The following RMDN2 variants were observed in gnomAD, a reference collection of about 807,000 sequenced individuals.
The protein encoded by RMDN2 is regulator of microtubule dynamics protein 2.
A neutral mutation model predicts 52.8 loss-of-function variants in RMDN2; 61 were observed. The ratio of observed to expected loss-of-function variants is 1.16; its 90% CI spans 0.94 to 1.43. RMDN2 has a LOEUF of 1.43. Ranked by LOEUF, RMDN2 falls within the 40% of genes most tolerant of loss-of-function variation. The probability of loss-of-function intolerance (pLI) is 0.00; values close to 1 mark genes in which losing one functional copy is unlikely to be tolerated. For synonymous variants in RMDN2, 180 were observed against 153.1 expected, an observed-to-expected ratio of 1.18 and a Z score of -1.30; for missense variants, 592 against 475.3, an observed-to-expected ratio of 1.25 and a Z score of -2.28.
At position 37,970,875 on chromosome 2, in the gene RMDN2, G is replaced by C. The variant is rs558769675; in HGVS notation, c.453-3165G>C. Among the ~76,000 whole-genome samples the C allele has an allele frequency of 3.9e-5, 6 of 152,106 alleles. No individual in the cohort carries two copies. The South Asian group carries it at 1.2e-3, about 32-fold the overall frequency. ...CATAATTTGGTGGTTTTTATTTGCAGAGTTGCCCATTTTTAAATTGAATTA... is the reference window on the plus strand; with the variant it reads ...CATAATTTGGTGGTTTTTATTTGCACAGTTGCCCATTTTTAAATTGAATTA... On this transcript the variant is annotated intron_variant, in intron 2 of 10. Coordinates refer to ENST00000354545, the MANE Select transcript of RMDN2 (RefSeq NM_001170791.3).
chr2:38,021,569 A>G (rs999916267), downstream of RMDN2, among the ~76,000 whole-genome samples: 1 of 152,110 alleles, frequency 6.6e-6, no homozygotes, highest in Non-Finnish European at 1.5e-5. Context: ...GAACATCAGA[A>G]GGAACAAACT....
At chr2:38,040,416 G>T (rs974181762) in intron 10 of RMDN2, among the ~76,000 whole-genome samples, 3 of 152,080 alleles carry the variant, frequency 2.0e-5, no homozygotes, top group Non-Finnish European at 4.4e-5. Flanking sequence ...GTCATGAATA[G>T]GATTAGTGCC....
rs1553372332 is a variant in RMDN2 at position 37,995,350 on chromosome 2, A to ACTACTACTT, written c.946-2058_946-2057insTCTACTACT. On this transcript the variant is annotated intron_variant, in intron 7 of 10. Coordinates refer to ENST00000354545, the MANE Select transcript of RMDN2 (RefSeq NM_001170791.3). Reference sequence around the variant, plus strand: ...TACTACTACTACTACTACTACTACTACTACTACTACTACTACACACACACA... The same window carrying ACTACTACTT: ...TACTACTACTACTACTACTACTACTACTACTACTTCTACTACTACTACTACACACACACA... Among the ~76,000 whole-genome samples, 275 of 151,338 alleles carry ACTACTACTT rather than the reference A, an allele frequency of 1.8e-3. 4 individuals are homozygous for ACTACTACTT. The highest frequency in any genetic ancestry group is 6.4e-3 in the African/African-American group (261 of 41,036).
At chr2:38,044,488 T>G (rs1681151866) in intron 10 of RMDN2, among the ~76,000 whole-genome samples, 3 of 152,122 alleles carry the variant, frequency 2.0e-5, no homozygotes, top group Non-Finnish European at 2.9e-5. Flanking sequence ...TTTCTTTTCC[T>G]TTTGTTATTC....
At chr2:37,924,532 T>C (rs932484121), upstream of RMDN2, among the ~76,000 whole-genome samples, 2 of 150,848 alleles carry the variant, frequency 1.3e-5, no homozygotes, top group East Asian at 3.9e-4. Flanking sequence ...GCCCGGCTAA[T>C]TTTTTGTATT....
At chr2:37,979,519 G>A (rs140944963) in intron 4 of RMDN2, among the ~76,000 whole-genome samples, 76 of 152,276 alleles carry the variant, frequency 5.0e-4, no homozygotes, top group African/African-American at 1.7e-3. Context: ...TTTGATCACT[G>A]GAGAGTACAA....
At chr2:37,990,547 C>T (rs1004810327) in intron 6 of RMDN2, among the ~76,000 whole-genome samples, 75 of 139,636 alleles carry the variant, frequency 5.4e-4, no homozygotes, top group African/African-American at 2.0e-3. Context: ...AAAAAAAGGC[C>T]TTTTGGTCAT....
chr2:37,972,670 G>A (rs895289016), intron 2 of RMDN2, among the ~76,000 whole-genome samples: 1 of 152,188 alleles, frequency 6.6e-6, no homozygotes, highest in African/African-American at 2.4e-5. Flanking sequence ...GTGATAAGGG[G>A]TCATTGCAGT....
At chr2:38,018,610 A>G (rs1348214813), downstream of RMDN2, among the ~76,000 whole-genome samples, 1 of 152,260 alleles carries the variant, frequency 6.6e-6, no homozygotes, top group Non-Finnish European at 1.5e-5. Flanking sequence ...CAAGTCAAAA[A>G]TAGTACATAC....
At chr2:37,979,196 TTGTCAAGGAACA>T (rs1672977231) in intron 4 of RMDN2, among the ~76,000 whole-genome samples, 1 of 152,214 alleles carries the variant, frequency 6.6e-6, no homozygotes, top group Non-Finnish European at 1.5e-5. Flanking sequence ...CAAAATTATT[TTGTCAAGGAACA>T]GTGTGAAAAC....
At chr2:38,033,622 T>C (rs190548753) in intron 10 of RMDN2, among the ~76,000 whole-genome samples, 2 of 152,360 alleles carry the variant, frequency 1.3e-5, no homozygotes, top group Admixed American at 1.3e-4. Flanking sequence ...TCCGCATAGA[T>C]TAAAAGACTA....
At chr2:37,943,117 C>T (rs897626695) in intron 2 of RMDN2, among the ~76,000 whole-genome samples, 6 of 152,186 alleles carry the variant, frequency 3.9e-5, no homozygotes, top group South Asian at 2.1e-4. Context: ...GAAAGCCGTT[C>T]GCGTTCTGGG....
downstream of RMDN2, among the ~76,000 whole-genome samples, chr2:38,018,393 G>A (rs911698923): frequency 6.6e-6 from 1 of 152,180 alleles, no homozygotes; most frequent in Non-Finnish European, 1.5e-5. Context: ...CCTTTGAAAA[G>A]TATTAAATCT....
intron 2 of RMDN2, among the ~76,000 whole-genome samples, chr2:37,930,636 C>T (rs985737642): frequency 3.9e-5 from 6 of 152,312 alleles, no homozygotes; most frequent in South Asian, 2.1e-4. Context: ...AGGAAGCAGC[C>T]GTGCCAGAGG....
At position 37,991,286 on chromosome 2, in the gene RMDN2, T is replaced by C. The variant is rs1426502951; in HGVS notation, c.934T>C (p.Tyr312His). The C allele has an allele frequency of 2.6e-6, 4 of 1,514,454 alleles. No individual in the cohort carries two copies. The highest frequency in any genetic ancestry group is 1.3e-5 in the South Asian group (1 of 78,398). 93.8% of individuals were successfully genotyped at this position (1,514,454 alleles called of 1,614,324 possible). Residue 312 changes from tyrosine to histidine, a missense_variant, in exon 7 of 11, where the codon TAC becomes CAC. Tyr to His is a moderately conservative substitution (Grantham distance 83). Transcript: ENST00000354545. Reference protein sequence around the residue: ...EPFLYYLKGRYCYTVSKLSWI... With the variant: ...EPFLYYLKGRHCYTVSKLSWI... The stretch of plus-strand genomic sequence containing the variant: ...CTTTCTATATTACCTCAAAGGGAGA[T>C]ACTGCTATACTGTAAGTTGAATGCC...
intron 10 of RMDN2, among the ~76,000 whole-genome samples, chr2:38,042,402 G>A (rs868596359): frequency 4.7e-4 from 45 of 96,106 alleles, no homozygotes; most frequent in East Asian, 3.5e-3. Flanking sequence ...ACCTCCCCCC[G>A]CCACACACAC....
chr2:37,970,279 T>C (rs1671620689), intron 2 of RMDN2, among the ~76,000 whole-genome samples: 1 of 152,114 alleles, frequency 6.6e-6, no homozygotes. Flanking sequence ...TGGAATTTAT[T>C]GGAAAAAAAA....
At chr2:37,956,876 A>G (rs976725138) in intron 2 of RMDN2, among the ~76,000 whole-genome samples, 2 of 151,342 alleles carry the variant, frequency 1.3e-5, no homozygotes, top group Non-Finnish European at 1.5e-5. Context: ...TCATTGTTCA[A>G]CTCCCACTTA....
At chr2:38,066,097 T>C (rs1682267217) in intron 10 of RMDN2, among the ~76,000 whole-genome samples, 1 of 152,166 alleles carries the variant, frequency 6.6e-6, no homozygotes, top group Non-Finnish European at 1.5e-5. Flanking sequence ...CCAGGGAAAA[T>C]CTGGATGAGA....
Sources: allele counts gnomAD v4.1 joint callset (sites outside exome capture counted in the v4.1 genomes callset), GRCh38; gene constraint gnomAD v4.1.1; transcripts MANE v1.5; gene names NCBI Gene and HGNC (gene_info 2026-07-23, HGNC 2026-07-21).